The following SH3RF3 variants were observed in gnomAD, a reference collection of about 807,000 sequenced individuals.
SH3RF3 encodes SH3 domain containing ring finger 3, also known as E3 ubiquitin-protein ligase SH3RF3.
Under a neutral mutation model 66.3 loss-of-function variants are expected in SH3RF3, and 29 were observed. That is an observed-to-expected ratio of 0.44 (90% CI 0.33 to 0.60). The LOEUF is 0.60. SH3RF3 is among the 20% of genes least tolerant of loss of function. The probability of loss-of-function intolerance (pLI) is 0.04; values close to 1 mark genes in which losing one functional copy is unlikely to be tolerated. For synonymous variants in SH3RF3, 583 were observed against 532.0 expected, an observed-to-expected ratio of 1.10 and a Z score of -1.32; for missense variants, 1,194 against 1,190.9, an observed-to-expected ratio of 1.00 and a Z score of -0.04.
At chr2:109,293,134 A>G (rs1234477893) in intron 1 of SH3RF3, among the ~76,000 whole-genome samples, 2 of 152,184 alleles carry the variant, frequency 1.3e-5, no homozygotes, top group African/African-American at 4.8e-5. Context: ...ACTAGAAGGA[A>G]TGGGACACAG....
intron 1 of SH3RF3, among the ~76,000 whole-genome samples, chr2:109,337,093 C>G (rs947412321): frequency 1.3e-5 from 2 of 152,172 alleles, no homozygotes; most frequent in East Asian, 1.9e-4. Context: ...AATGTAAATT[C>G]AGGACTTGTA....
At chr2:109,449,133 A>G (rs772874230) in intron 7 of SH3RF3, 37 bp from the exon 8 acceptor site, 1 of 1,597,466 alleles carries the variant, frequency 6.3e-7, no homozygotes, top group South Asian at 1.1e-5. Flanking sequence ...TTGCAAACTA[A>G]CCTTTCAACC....
chr2:109,396,265 T>C (rs966022308), intron 3 of SH3RF3, among the ~76,000 whole-genome samples: 1 of 152,126 alleles, frequency 6.6e-6, no homozygotes, highest in East Asian at 1.9e-4. Flanking sequence ...AGCAAATGAA[T>C]ACAGCCATAA....
chr2:109,337,025 T>G (rs1167144181), intron 1 of SH3RF3, among the ~76,000 whole-genome samples: 2 of 152,246 alleles, frequency 1.3e-5, no homozygotes, highest in African/African-American at 4.8e-5. Context: ...TCATTAGGTA[T>G]GCTTTGATTC....
intron 1 of SH3RF3, among the ~76,000 whole-genome samples, chr2:109,192,007 A>C (rs1214970722): frequency 6.6e-6 from 1 of 151,596 alleles, no homozygotes; most frequent in Non-Finnish European, 1.5e-5. Flanking sequence ...CTCCACCTCA[A>C]CCCCTGCAGT....
At chr2:109,374,484 C>A (rs571602281) in intron 3 of SH3RF3, among the ~76,000 whole-genome samples, 17 of 152,308 alleles carry the variant, frequency 1.1e-4, no homozygotes, top group African/African-American at 3.8e-4. Flanking sequence ...CAAACTGCTT[C>A]CCTCTGGGAG....
At chr2:109,422,598 C>T (rs1367825155) in intron 5 of SH3RF3, among the ~76,000 whole-genome samples, 7 of 95,220 alleles carry the variant, frequency 7.4e-5, no homozygotes, top group African/African-American at 2.4e-4. Context: ...CCCCTTTCCA[C>T]CCCCTGCTGT....
chr2:109,202,133 G>A (rs373556496), intron 1 of SH3RF3, among the ~76,000 whole-genome samples: 7 of 152,148 alleles, frequency 4.6e-5, no homozygotes, highest in African/African-American at 1.7e-4. Flanking sequence ...TGACAGATCA[G>A]CATATGGACG....
intron 1 of SH3RF3, among the ~76,000 whole-genome samples, chr2:109,257,905 G>C (rs890274426): frequency 6.6e-6 from 1 of 152,058 alleles, no homozygotes; most frequent in Non-Finnish European, 1.5e-5. Flanking sequence ...CCAGGGCCAG[G>C]GCTGTCCTGG....
chr2:109,145,290 G>A (rs1677067500), intron 1 of SH3RF3, among the ~76,000 whole-genome samples: 1 of 152,150 alleles, frequency 6.6e-6, no homozygotes, highest in Non-Finnish European at 1.5e-5. Context: ...ATGCTGTTTG[G>A]TGGTTACAAG....
intron 1 of SH3RF3, among the ~76,000 whole-genome samples, chr2:109,257,415 G>A (rs545072831): frequency 2.0e-5 from 3 of 151,826 alleles, no homozygotes; most frequent in African/African-American, 7.2e-5. Context: ...AGGGAAGGAG[G>A]GAAGGAAGGG....
chr2:109,441,117 A>G (rs1677550469), intron 7 of SH3RF3, among the ~76,000 whole-genome samples: 1 of 132,438 alleles, frequency 7.6e-6, no homozygotes, highest in East Asian at 2.1e-4. Flanking sequence ...AAGCTTAAGA[A>G]TATTTATAGG....
intron 1 of SH3RF3, among the ~76,000 whole-genome samples, chr2:109,203,876 C>G (rs1374713684): frequency 6.6e-6 from 1 of 152,208 alleles, no homozygotes; most frequent in East Asian, 1.9e-4. Context: ...CCTTCTTGTT[C>G]CCTGTGCGGC....
At position 109,291,592 on chromosome 2, in the gene SH3RF3, C is replaced by A. The variant is rs373088674; in HGVS notation, c.574-56082C>A. Among the ~76,000 whole-genome samples, 22 of 152,362 alleles carry A rather than the reference C, an allele frequency of 1.4e-4. No homozygotes were observed. In the South Asian group the frequency reaches 4.6e-3, roughly 32 times the overall value. On this transcript the variant is annotated intron_variant, in intron 1 of 9. Coordinates refer to ENST00000309415, the MANE Select transcript of SH3RF3 (RefSeq NM_001099289.3). ...CTCCTGCCACTGTCCCTGTGATCTG[C>A]TGAGCCCAGGCAGCTCCTCGTGGTG...
At position 109,164,782 on chromosome 2, in the gene SH3RF3, G is replaced by A. The variant is rs117417574; in HGVS notation, c.573+34669G>A. ...ATTTAATAGTCAGCCCTGGCAAGCT[G>A]GCAAAAACTGCCACTGGCACCCTAT... On this transcript the variant is annotated intron_variant, in intron 1 of 9. Transcript: ENST00000309415. Among the ~76,000 whole-genome samples the A allele has an allele frequency of 1.1e-3, 167 of 152,248 alleles. 3 individuals carry two copies. The East Asian group carries it at 0.028, about 25-fold the overall frequency.
At chr2:109,386,905 C>T (rs2104398115) in intron 3 of SH3RF3, among the ~76,000 whole-genome samples, 1 of 152,324 alleles carries the variant, frequency 6.6e-6, no homozygotes, top group Non-Finnish European at 1.5e-5. Flanking sequence ...TGCCGCAGCT[C>T]AGGAGGTCTC....
intron 1 of SH3RF3, among the ~76,000 whole-genome samples, chr2:109,184,335 C>T (rs1010979348): frequency 5.9e-5 from 9 of 152,182 alleles, no homozygotes; most frequent in Admixed American, 2.0e-4. Context: ...AAAAATAAGA[C>T]GTTTATCGCA....
At chr2:109,200,973 C>T (rs1201579327) in intron 1 of SH3RF3, among the ~76,000 whole-genome samples, 1 of 152,166 alleles carries the variant, frequency 6.6e-6, no homozygotes, top group African/African-American at 2.4e-5. Context: ...CACTGGCACC[C>T]GGGCTGCTGC....
chr2:109,402,649 A>G (rs558549487), intron 4 of SH3RF3, among the ~76,000 whole-genome samples: 9 of 152,310 alleles, frequency 5.9e-5, no homozygotes, highest in Middle Eastern at 3.4e-3. Flanking sequence ...AGGCTGTGAT[A>G]AAGAACATCT....
Sources: gnomAD v4.1 joint callset for allele counts (sites outside exome capture counted in the v4.1 genomes callset) on GRCh38, gnomAD v4.1.1 for gene constraint, MANE v1.5 for transcripts, NCBI Gene and HGNC (gene_info 2026-07-23, HGNC 2026-07-21) for gene names.